The following DST variants were observed in gnomAD, a reference collection of about 807,000 sequenced individuals.
The protein encoded by DST is bullous pemphigoid antigen.
Under a neutral mutation model 875.2 loss-of-function variants are expected in DST, and 253 were observed. That is an observed-to-expected ratio of 0.29 (90% confidence interval 0.26 to 0.32). The LOEUF (loss-of-function observed/expected upper bound fraction) is 0.32, where lower values mean the gene tolerates loss of function less well. Ranked by LOEUF, DST falls within the 10% of genes least tolerant of loss-of-function variation. DST has a pLI of 1.00. For synonymous variants in DST, 3,124 were observed against 3,197.1 expected (o/e 0.98, Z 0.77); for missense variants, 8,287 against 9,111.6 (o/e 0.91, Z 3.68).
intron 43 of DST, among the ~76,000 whole-genome samples, chr6:56,602,638 A>G (rs1192405370): frequency 3.3e-5 from 5 of 152,002 alleles, no homozygotes; most frequent in African/African-American, 9.7e-5. Flanking sequence ...TAAATATATA[A>G]ATAAAAATCT....
At chr6:56,893,553 C>CTA (rs1788692606) in intron 3 of DST, among the ~76,000 whole-genome samples, 1 of 46,104 alleles carries the variant, frequency 2.2e-5, no homozygotes, top group Non-Finnish European at 4.4e-5. Context: ...GGTAGTCCTA[C>CTA]TTTTAGTTCT....
Position 56,750,934 on chromosome 6 carries a change from G to A in DST, c.626-15645C>T, listed in dbSNP as rs560249750. 2.6e-5 allele frequency among the ~76,000 whole-genome samples: 4 copies of A among 152,184 alleles called. No homozygotes were observed. The East Asian group carries it at 7.7e-4, about 29-fold the overall frequency. On this transcript the variant is annotated intron_variant, in intron 4 of 103. Coordinates refer to ENST00000680361, the MANE Select transcript of DST (RefSeq NM_001374736.1). The stretch of plus-strand genomic sequence containing the variant: ...TAGCACTGACTATATGCCAGGCCCT[G>A]TCCCAAGCATTTACATTTTTCACAA...
chr6:56,751,979 T>G (rs571941845), intron 4 of DST, among the ~76,000 whole-genome samples: 1 of 152,272 alleles, frequency 6.6e-6, no homozygotes, highest in Admixed American at 6.5e-5. Flanking sequence ...CAAATCTCTA[T>G]AAGTTAATAA....
In DST at chr6:56,592,179, T is replaced by C. The variant is rs759740526; in HGVS notation, c.12903+3A>G. 1.2e-6 allele frequency: 2 copies of C among 1,612,030 alleles called. No individual in the cohort carries two copies. Among genetic ancestry groups the C allele is most frequent in the South Asian group, 2.2e-5 (2 of 90,286 alleles). On this transcript the variant is annotated splice_donor_region_variant and intron_variant, in intron 49 of 103. Coordinates refer to ENST00000680361, the MANE Select transcript of DST (RefSeq NM_001374736.1). ...AAATGTGGATCTTTCTCTCGCTTTTTACCTTGGTCTCTTCTAATTGCCTTT... is the reference window on the plus strand; with the variant it reads ...AAATGTGGATCTTTCTCTCGCTTTTCACCTTGGTCTCTTCTAATTGCCTTT...
intron 4 of DST, among the ~76,000 whole-genome samples, chr6:56,738,515 T>C (rs1182662690): frequency 6.6e-6 from 1 of 151,920 alleles, no homozygotes; most frequent in East Asian, 1.9e-4. Context: ...ACAGATGGGG[T>C]TTCACCGTGT....
In DST at chr6:56,614,377, T is replaced by G; in HGVS notation, c.5037A>C (p.Lys1679Asn). ...ATACCTTTTGCTTAGAGAAGGGAGGTTTTCCAGCCTTCTCTGCATCTTTCA... is the reference window on the plus strand; with the variant it reads ...ATACCTTTTGCTTAGAGAAGGGAGGGTTTCCAGCCTTCTCTGCATCTTTCA... ...KTLKDAEKAGKPPFSKQKISS... is the reference protein window; with the variant it reads ...KTLKDAEKAGNPPFSKQKISS... The change falls in exon 37 of 104, where the codon AAA becomes AAC. Residue 1679 changes from lysine to asparagine, a missense_variant. Physicochemically the swap from Lys to Asn is moderately conservative, Grantham distance 94. This residue lies in a region of DST where 3,138 missense variants were observed against 3,116.6 expected (regional missense o/e 1.01). Coordinates refer to ENST00000680361, the MANE Select transcript of DST (RefSeq NM_001374736.1). 1 of 1,603,636 alleles carries G rather than the reference T, an allele frequency of 6.2e-7. No individual in the cohort carries two copies. Among genetic ancestry groups the G allele is most frequent in the Non-Finnish European group, 8.5e-7 (1 of 1,175,188 alleles).
intron 4 of DST, among the ~76,000 whole-genome samples, chr6:56,787,881 G>C (rs2099708256): frequency 6.6e-6 from 1 of 151,982 alleles, no homozygotes; most frequent in Admixed American, 6.6e-5. Flanking sequence ...GCTCACACCT[G>C]TAATCCCAGC....
chr6:56,562,097 C>T, intron 56 of DST, 41 bp downstream of exon 56: 1 of 1,292,958 alleles, frequency 7.7e-7, no homozygotes, highest in African/African-American at 1.5e-5. Flanking sequence ...AAAAAAACAT[C>T]AAATTACATT....
intron 2 of DST, among the ~76,000 whole-genome samples, chr6:56,938,108 C>CTCTATATATATATATATA (rs1383243392): frequency 2.5e-5 from 3 of 120,726 alleles, no homozygotes; most frequent in African/African-American, 1.1e-4. Flanking sequence ...CTCTCTCTCT[C>CTCTATATATATATATATA]TATATATATA....
intron 4 of DST, among the ~76,000 whole-genome samples, chr6:56,780,343 G>T (rs568239212): frequency 6.6e-6 from 1 of 151,814 alleles, no homozygotes; most frequent in African/African-American, 2.4e-5. Flanking sequence ...GTCCCACCAA[G>T]AGTGTAAAAG....
intron 92 of DST, 68 bp downstream of exon 92, chr6:56,476,081 T>C (rs959134608): frequency 9.9e-6 from 13 of 1,315,794 alleles, no homozygotes; most frequent in African/African-American, 4.4e-5. Context: ...TTTTGAGAAG[T>C]ACAGCAGTGA....
At chr6:56,476,738 C>G (rs939244688) in intron 91 of DST, among the ~76,000 whole-genome samples, 1 of 152,062 alleles carries the variant, frequency 6.6e-6, no homozygotes, top group African/African-American at 2.4e-5. Context: ...GGGCGGATCA[C>G]GAGGTCAGTT....
intron 4 of DST, among the ~76,000 whole-genome samples, chr6:56,761,886 T>C (rs1004488292): frequency 6.6e-6 from 1 of 152,226 alleles, no homozygotes; most frequent in Non-Finnish European, 1.5e-5. Flanking sequence ...TGAATACAGC[T>C]TTTGCTTTCA....
chr6:56,904,358 T>G (rs1387935408), intron 2 of DST, among the ~76,000 whole-genome samples: 1 of 152,200 alleles, frequency 6.6e-6, no homozygotes, highest in African/African-American at 2.4e-5. Context: ...TATTACTTAC[T>G]AGGTGTGTGG....
intron 4 of DST, among the ~76,000 whole-genome samples, chr6:56,774,916 C>T (rs181617375): frequency 2.3e-3 from 335 of 148,702 alleles, no homozygotes; most frequent in Non-Finnish European, 3.7e-3. Flanking sequence ...CGCTGGAACC[C>T]GGGAGGCAGA....
intron 10 of DST, among the ~76,000 whole-genome samples, chr6:56,652,794 T>C (rs377690302): frequency 1.1e-4 from 16 of 152,346 alleles, no homozygotes; most frequent in African/African-American, 3.8e-4. Context: ...GCCACCAATA[T>C]GACCACTCTT....
Position 56,604,828 on chromosome 6 carries a change from C to A in DST, c.9800G>T (p.Ser3267Ile). The change falls in exon 40 of 104, where the codon AGT becomes ATT. Residue 3267 changes from serine to isoleucine, a missense_variant. Coordinates refer to ENST00000680361, the MANE Select transcript of DST (RefSeq NM_001374736.1). ...TAATATTGAAAGTGTGGCTTCAATA[C>A]TTTCTGGTGTGAACTGAGAAATTTC... ...GTEISQFTPESIEATLSILSR... is the reference protein window; with the variant it reads ...GTEISQFTPEIIEATLSILSR... 3.7e-6 allele frequency: 6 copies of A among 1,612,768 alleles called. No homozygotes were observed.
intron 4 of DST, among the ~76,000 whole-genome samples, chr6:56,796,225 G>A (rs1287734381): frequency 6.6e-6 from 1 of 152,168 alleles, no homozygotes; most frequent in Non-Finnish European, 1.5e-5. Flanking sequence ...TAAATACATA[G>A]AAAACTAAGC....
chr6:56,660,335 T>TAAAAC (rs2099032550), intron 10 of DST, among the ~76,000 whole-genome samples: 1 of 151,998 alleles, frequency 6.6e-6, no homozygotes, highest in African/African-American at 2.4e-5. Context: ...TGTGGAAGTG[T>TAAAAC]AAAACAAAAC....
Sources: allele counts gnomAD v4.1 joint callset (sites outside exome capture counted in the v4.1 genomes callset), GRCh38; gene constraint gnomAD v4.1.1; regional missense constraint gnomAD v4.1.1; transcripts MANE v1.5; gene names NCBI Gene and HGNC (gene_info 2026-07-23, HGNC 2026-07-21).